Variants in C8orf34 observed in about 807,000 individuals in gnomAD.
C8orf34 encodes the protein chromosome 8 open reading frame 34.
A neutral mutation model predicts 68.3 loss-of-function variants in C8orf34; 65 were observed. That is an observed-to-expected ratio of 0.95 (90% CI 0.78 to 1.17). C8orf34 has a LOEUF of 1.17. Ranked by LOEUF, C8orf34 falls within the 50% of genes most tolerant of loss-of-function variation. C8orf34 has a pLI of 0.00. For missense variants in C8orf34, 664 were observed against 655.4 expected, an observed-to-expected ratio of 1.01 and a Z score of -0.14; for synonymous variants, 244 against 241.2, an observed-to-expected ratio of 1.01 and a Z score of -0.11.
chr8:68,461,376 T>A (rs562872895), intron 3 of C8orf34, among the ~76,000 whole-genome samples: 3 of 152,308 alleles, frequency 2.0e-5, no homozygotes, highest in South Asian at 4.2e-4. Flanking sequence ...TGCAGGATAT[T>A]ATCCAGGAGA....
chr8:68,758,025 GTACACGTTCAGTCAGTCAGCA>G (rs1822915904), intron 10 of C8orf34, among the ~76,000 whole-genome samples: 2 of 152,194 alleles, frequency 1.3e-5, no homozygotes, highest in African/African-American at 4.8e-5. Flanking sequence ...GCCCAACAAA[GTACACGTTCAGTCAGTCAGCA>G]AATATTTACT....
At position 68,359,378 on chromosome 8, in the gene C8orf34, C is replaced by T. The variant is rs72664910; in HGVS notation, c.327+28039C>T. Among the ~76,000 whole-genome samples, 195 of 152,220 alleles carry T rather than the reference C, an allele frequency of 1.3e-3. 1 individual carries two copies. The highest frequency in any genetic ancestry group is 2.2e-3 in the Non-Finnish European group (152 of 68,008). On this transcript the variant is annotated intron_variant, in intron 1 of 13. Transcript: ENST00000518698. ...TCATTGTTTTAGATGATTTAGTCTT[C>T]GAGAGGCCCCTACTGACTCCTACAT...
chr8:68,409,990 G>A (rs1809375161), intron 1 of C8orf34, among the ~76,000 whole-genome samples: 1 of 152,170 alleles, frequency 6.6e-6, no homozygotes, highest in African/African-American at 2.4e-5. Context: ...ATACAGCCTA[G>A]GTGTGTAGTA....
intron 12 of C8orf34, among the ~76,000 whole-genome samples, chr8:68,789,753 AG>A (rs1437799388): frequency 2.0e-5 from 3 of 152,336 alleles, no homozygotes; most frequent in African/African-American, 7.2e-5. Flanking sequence ...TTATCAGGAC[AG>A]CTAGAAATTA....
At chr8:68,375,041 A>G (rs544853618) in intron 1 of C8orf34, among the ~76,000 whole-genome samples, 1 of 152,308 alleles carries the variant, frequency 6.6e-6, no homozygotes, top group East Asian at 1.9e-4. Context: ...TAGAATCAAC[A>G]TTAATAATAT....
At chr8:68,527,369 G>A (rs1176726177) in intron 6 of C8orf34, among the ~76,000 whole-genome samples, 2 of 152,086 alleles carry the variant, frequency 1.3e-5, no homozygotes, top group African/African-American at 2.4e-5. Flanking sequence ...TCAGGAGGTC[G>A]AAACCATCCT....
intron 7 of C8orf34, among the ~76,000 whole-genome samples, chr8:68,578,933 T>A (rs1000705955): frequency 2.6e-5 from 4 of 152,114 alleles, no homozygotes; most frequent in African/African-American, 7.2e-5. Context: ...ATTTGGAGAA[T>A]TTACAAGTAT....
At chr8:68,686,476 A>G (rs1281832202) in intron 8 of C8orf34, among the ~76,000 whole-genome samples, 2 of 152,142 alleles carry the variant, frequency 1.3e-5, no homozygotes, top group Non-Finnish European at 2.9e-5. Flanking sequence ...ATGGCTTAAC[A>G]TATGAGAGTC....
At chr8:68,562,013 G>A (rs4995316) in intron 7 of C8orf34, among the ~76,000 whole-genome samples, 32,255 of 151,994 alleles carry the variant, frequency 0.21, 4,453 homozygotes, top group African/African-American at 0.4. Flanking sequence ...GTATGCTCTA[G>A]AATTATAATA....
intron 2 of C8orf34, among the ~76,000 whole-genome samples, chr8:68,442,568 A>G (rs969396812): frequency 6.6e-6 from 1 of 152,182 alleles, no homozygotes; most frequent in Non-Finnish European, 1.5e-5. Flanking sequence ...GGAGAGGTTC[A>G]GACAGAGAAA....
intron 3 of C8orf34, among the ~76,000 whole-genome samples, chr8:68,460,648 T>G (rs991077650): frequency 6.6e-6 from 1 of 152,120 alleles, no homozygotes; most frequent in African/African-American, 2.4e-5. Context: ...AATCCGCTGT[T>G]CTACAGCCAC....
intron 8 of C8orf34, among the ~76,000 whole-genome samples, chr8:68,668,046 C>T (rs1166817676): frequency 6.6e-6 from 1 of 152,010 alleles, no homozygotes; most frequent in Admixed American, 6.6e-5. Flanking sequence ...AAATAATTGA[C>T]AGCTCAGAAA....
At chr8:68,480,214 A>G (rs1586227217) in intron 4 of C8orf34, among the ~76,000 whole-genome samples, 1 of 152,288 alleles carries the variant, frequency 6.6e-6, no homozygotes, top group East Asian at 1.9e-4. Flanking sequence ...ATGCTAGTGA[A>G]TAAGTCTCAC....
chr8:68,744,085 C>G (rs942317853), intron 10 of C8orf34, among the ~76,000 whole-genome samples: 26 of 152,190 alleles, frequency 1.7e-4, no homozygotes, highest in African/African-American at 6.3e-4. Context: ...CCCTGACCCC[C>G]AAGCAGCCTA....
chr8:68,514,940 A>G (rs1814441018), intron 5 of C8orf34, among the ~76,000 whole-genome samples: 1 of 152,180 alleles, frequency 6.6e-6, no homozygotes, highest in Non-Finnish European at 1.5e-5. Context: ...GGAAGAGATT[A>G]TGGGAATCAG....
intron 6 of C8orf34, among the ~76,000 whole-genome samples, chr8:68,524,384 C>A (rs774272294): frequency 1.3e-5 from 2 of 152,060 alleles, no homozygotes; most frequent in Non-Finnish European, 1.5e-5. Context: ...TAGTTTGATA[C>A]AAATGACACC....
intron 10 of C8orf34, among the ~76,000 whole-genome samples, chr8:68,768,119 C>A (rs1823233617): frequency 6.6e-6 from 1 of 152,200 alleles, no homozygotes; most frequent in Non-Finnish European, 1.5e-5. Context: ...TACATAGCAA[C>A]ACATGACAAT....
At chr8:68,703,955 A>G (rs1045741383) in intron 8 of C8orf34, among the ~76,000 whole-genome samples, 1 of 152,170 alleles carries the variant, frequency 6.6e-6, no homozygotes, top group East Asian at 1.9e-4. Context: ...AATTATAAGT[A>G]TACTATAGTA....
rs539376169 is a variant in C8orf34, at chr8:68,673,859, C to T, written c.1241+33348C>T. ...AGGGCTGTAGTGGTTTCGTCTGACT[C>T]GGCACAGTCCCAGCTGTGGTGACCA... is the stretch of plus-strand genomic sequence containing the variant. On this transcript the variant is annotated intron_variant, in intron 8 of 13. Transcript: ENST00000518698. Among the ~76,000 whole-genome samples the T allele has an allele frequency of 1.1e-4, 17 of 152,248 alleles. No homozygotes were observed. The South Asian group carries it at 2.5e-3, about 22-fold the overall frequency.
Sources: gnomAD v4.1 joint callset for allele counts (sites outside exome capture counted in the v4.1 genomes callset) on GRCh38, gnomAD v4.1.1 for gene constraint, MANE v1.5 for transcripts, NCBI Gene and HGNC (gene_info 2026-07-23, HGNC 2026-07-21) for gene names.